Variants in SGK3 observed in about 807,000 individuals in gnomAD.
SGK3 encodes serine/threonine-protein kinase Sgk3.
Under a neutral mutation model 68.5 loss-of-function variants are expected in SGK3, and 47 were observed. The observed-to-expected ratio is 0.69, with a 90% CI of 0.54 to 0.87. The LOEUF (loss-of-function observed/expected upper bound fraction) is 0.87, where lower values mean the gene tolerates loss of function less well. Among genes scored for constraint, SGK3 ranks in the 40% least tolerant of loss-of-function variants. The pLI is 0.00. For synonymous variants in SGK3, 181 were observed against 189.1 expected (o/e 0.96, Z 0.35); for missense variants, 479 against 575.5 (o/e 0.83, Z 1.72).
chr8:66,729,300 C>CA (rs1231736872), intron 1 of SGK3, among the ~76,000 whole-genome samples: 5 of 151,336 alleles, frequency 3.3e-5, no homozygotes, highest in African/African-American at 1.2e-4. Flanking sequence ...ACTAAAAATA[C>CA]AAAAAATTAG....
intron 10 of SGK3, among the ~76,000 whole-genome samples, chr8:66,837,553 G>A (rs973151136): frequency 6.6e-6 from 1 of 152,146 alleles, no homozygotes; most frequent in African/African-American, 2.4e-5. Context: ...GGCCGATGTG[G>A]GTGGATCACT....
chr8:66,809,277 A>C (rs1474832107), intron 4 of SGK3, among the ~76,000 whole-genome samples: 2 of 152,200 alleles, frequency 1.3e-5, no homozygotes, highest in African/African-American at 4.8e-5. Context: ...GTGATCTCTA[A>C]ATACCATTTC....
intron 1 of SGK3, among the ~76,000 whole-genome samples, chr8:66,735,218 T>G (rs1165709291): frequency 2.0e-5 from 3 of 152,184 alleles, no homozygotes; most frequent in Admixed American, 1.3e-4. Context: ...TGGCCAATAG[T>G]GTAGACTGTT....
intron 1 of SGK3, among the ~76,000 whole-genome samples, chr8:66,752,222 CAA>C (rs756541060): frequency 6.6e-6 from 1 of 152,082 alleles, no homozygotes; most frequent in Non-Finnish European, 1.5e-5. Flanking sequence ...AGGGGGAAGA[CAA>C]GACAGCAGGT....
At position 66,805,107 on chromosome 8, in the gene SGK3, A is replaced by G. The variant is rs981796011; in HGVS notation, c.253+660A>G. ...ATTTTTTAATTGATCCTTCAGGTTA[A>G]TTTGGGAAACTTTACAGACTTTAAA... is the stretch of plus-strand genomic sequence containing the variant. On this transcript the variant is annotated intron_variant, in intron 4 of 16. Transcript: ENST00000521198. Among the ~76,000 whole-genome samples the G allele has an allele frequency of 3.3e-5, 5 of 152,012 alleles. No individual in the cohort carries two copies. In the East Asian group the frequency reaches 7.7e-4, roughly 24 times the overall value.
At chr8:66,723,107 ATATATATATATATATATATATATATTT>A (rs1393008524) in intron 1 of SGK3, among the ~76,000 whole-genome samples, 9 of 39,182 alleles carry the variant, frequency 2.3e-4, no homozygotes, top group Admixed American at 2.8e-4. Context: ...ATATATATAT[ATATATATATATATATATATATATATTT>A]TTTTTTTTTT....
chr8:66,772,759 C>T (rs543734159), intron 1 of SGK3, among the ~76,000 whole-genome samples: 3 of 152,024 alleles, frequency 2.0e-5, no homozygotes, highest in African/African-American at 4.8e-5. Flanking sequence ...GACAGGGTTC[C>T]ACCATGTTCA....
intron 1 of SGK3, among the ~76,000 whole-genome samples, chr8:66,748,850 G>C (rs1213228292): frequency 1.3e-5 from 2 of 152,052 alleles, no homozygotes; most frequent in Non-Finnish European, 2.9e-5. Flanking sequence ...TTCTGATTTT[G>C]ATATTAAATT....
At chr8:66,730,030 G>T (rs1805101497) in intron 1 of SGK3, among the ~76,000 whole-genome samples, 1 of 152,050 alleles carries the variant, frequency 6.6e-6, no homozygotes, top group African/African-American at 2.4e-5. Flanking sequence ...CAGCCACCCA[G>T]CACTTTGCGT....
At chr8:66,815,623 T>G (rs949198835) in intron 5 of SGK3, among the ~76,000 whole-genome samples, 1 of 152,196 alleles carries the variant, frequency 6.6e-6, no homozygotes, top group Non-Finnish European at 1.5e-5. Flanking sequence ...TGAAATGTAA[T>G]TCATGCATTC....
Position 66,758,010 on chromosome 8 carries a change from CT to C in SGK3, c.-121-35605del, listed in dbSNP as rs1345038723. 7.2e-3 allele frequency among the ~76,000 whole-genome samples: 861 copies of C among 119,132 alleles called. 10 individuals carry two copies. Among genetic ancestry groups the C allele is most frequent in the African/African-American group, 0.035 (834 of 23,958 alleles). The allele number at this position is 119,132 out of a possible 152,430, so 78.2% of individuals were successfully genotyped here. On this transcript the variant is annotated intron_variant, in intron 1 of 16. Transcript: ENST00000521198. ...ATATGTATATATATACACACACACACTACACACACACACACACACACACACA... is the reference window on the plus strand; with the variant it reads ...ATATGTATATATATACACACACACACACACACACACACACACACACACACA...
intron 5 of SGK3, among the ~76,000 whole-genome samples, chr8:66,822,097 A>G (rs756690682): frequency 2.0e-5 from 3 of 150,950 alleles, no homozygotes; most frequent in Non-Finnish European, 4.4e-5. Flanking sequence ...TCTGATTATT[A>G]GTGAAGTTAG....
chr8:66,732,933 G>T (rs1443321617), intron 1 of SGK3, among the ~76,000 whole-genome samples: 1 of 152,158 alleles, frequency 6.6e-6, no homozygotes, highest in Non-Finnish European at 1.5e-5. Context: ...TGCACTTGTA[G>T]TTAGAGTGAT....
At chr8:66,731,997 T>A (rs1006337931) in intron 1 of SGK3, among the ~76,000 whole-genome samples, 2 of 152,214 alleles carry the variant, frequency 1.3e-5, no homozygotes, top group Non-Finnish European at 2.9e-5. Context: ...GAGAACCTTA[T>A]TTATTAGGAA....
At chr8:66,769,993 G>A (rs529401567) in intron 1 of SGK3, among the ~76,000 whole-genome samples, 1 of 152,222 alleles carries the variant, frequency 6.6e-6, no homozygotes, top group East Asian at 1.9e-4. Context: ...TCGCTCTGTT[G>A]CCCAGGCTGG....
At chr8:66,839,508 T>G (rs867167790) in intron 10 of SGK3, among the ~76,000 whole-genome samples, 12 of 20,746 alleles carry the variant, frequency 5.8e-4, no homozygotes, top group African/African-American at 2.2e-3. Flanking sequence ...GATATATATA[T>G]ATATATATAT....
At chr8:66,751,740 C>G (rs1288039514) in intron 1 of SGK3, among the ~76,000 whole-genome samples, 1 of 142,328 alleles carries the variant, frequency 7.0e-6, no homozygotes, top group Non-Finnish European at 1.5e-5. Flanking sequence ...AAAAATCATT[C>G]ATTTTATTTA....
At chr8:66,753,075 T>A (rs1805871278) in intron 1 of SGK3, among the ~76,000 whole-genome samples, 1 of 152,330 alleles carries the variant, frequency 6.6e-6, no homozygotes, top group East Asian at 1.9e-4. Context: ...AAGCTCTGAA[T>A]ATTACAAACA....
chr8:66,842,871 C>T (rs908586594), intron 13 of SGK3, among the ~76,000 whole-genome samples: 11 of 152,084 alleles, frequency 7.2e-5, no homozygotes, highest in African/African-American at 2.7e-4. Context: ...AAGTTCCAGA[C>T]CAGCCTGGGC....
Sources: gnomAD v4.1 joint callset for allele counts (sites outside exome capture counted in the v4.1 genomes callset) on GRCh38, gnomAD v4.1.1 for gene constraint, MANE v1.5 for transcripts, NCBI Gene and HGNC (gene_info 2026-07-23, HGNC 2026-07-21) for gene names.